EPHB1: variants seen among roughly 807,000 people sequenced by gnomAD.
EPHB1 encodes ephrin type-B receptor 1.
EPHB1 carries 30 observed loss-of-function variants against 94.4 expected under a neutral mutation model. The observed-to-expected ratio is 0.32, with a 90% CI of 0.24 to 0.43. The LOEUF (loss-of-function observed/expected upper bound fraction) is 0.43, where lower values mean the gene tolerates loss of function less well. Ranked by LOEUF, EPHB1 falls within the 20% of genes least tolerant of loss-of-function variation. EPHB1 has a pLI of 1.00. For synonymous variants in EPHB1, 522 were observed against 489.1 expected (o/e 1.07, Z -0.89); for missense variants, 1,055 against 1,308.3 (o/e 0.81, Z 2.99).
chr3:134,917,284 G>A (rs1484870279), intron 1 of EPHB1, among the ~76,000 whole-genome samples: 1 of 152,234 alleles, frequency 6.6e-6, no homozygotes, highest in African/African-American at 2.4e-5. Flanking sequence ...GCTGGGCTGG[G>A]CAGGTAGGGT....
chr3:135,104,716 T>G (rs1326205176), intron 3 of EPHB1, among the ~76,000 whole-genome samples: 2 of 152,230 alleles, frequency 1.3e-5, no homozygotes, highest in Non-Finnish European at 2.9e-5. Context: ...TCATAGGTGT[T>G]AACAATCCAA....
intron 3 of EPHB1, among the ~76,000 whole-genome samples, chr3:135,073,915 A>G (rs770685927): frequency 2.5e-4 from 38 of 152,212 alleles, no homozygotes; most frequent in Non-Finnish European, 2.5e-4. Context: ...AATGGGAAGT[A>G]AAAAAGTTTG....
chr3:134,872,182 A>C (rs920646016), intron 1 of EPHB1, among the ~76,000 whole-genome samples: 9 of 152,314 alleles, frequency 5.9e-5, no homozygotes, highest in Admixed American at 5.2e-4. Context: ...ACAAATTGAC[A>C]AGGGATGCCT....
intron 1 of EPHB1, among the ~76,000 whole-genome samples, chr3:134,805,155 G>A (rs7648884): frequency 0.03 from 4,502 of 152,236 alleles, 159 homozygotes; most frequent in African/African-American, 0.072. Context: ...GTGGTTTCAC[G>A]TGAATTCTTG....
intron 6 of EPHB1, 144 bp from the exon 7 acceptor site, chr3:135,161,874 A>C: frequency 1.2e-6 from 1 of 837,216 alleles, no homozygotes. Flanking sequence ...GTCCCCATCC[A>C]GAGGGATGGC....
intron 12 of EPHB1, among the ~76,000 whole-genome samples, chr3:135,227,097 T>G (rs1176050227): frequency 6.6e-6 from 1 of 152,186 alleles, no homozygotes; most frequent in Non-Finnish European, 1.5e-5. Flanking sequence ...AATATACCCA[T>G]GTAATAATCT....
At chr3:135,074,746 G>A (rs1025845213) in intron 3 of EPHB1, among the ~76,000 whole-genome samples, 1 of 152,154 alleles carries the variant, frequency 6.6e-6, no homozygotes, top group Non-Finnish European at 1.5e-5. Context: ...ACATGTAGGG[G>A]TGGCACTATG....
rs397933477 is a variant in EPHB1, at chr3:135,243,074, CAAAAAAA to C, written c.2496+1791_2496+1797del. On this transcript the variant is annotated intron_variant, in intron 13 of 15. Transcript: ENST00000398015. ...TGGGTGACAGAGCGGGACCCTGTCT[CAAAAAAA>C]AAAAAAAAAAAAAGAAAAGAAAAGA... 1.3e-3 allele frequency among the ~76,000 whole-genome samples: 132 copies of C among 98,372 alleles called. 1 individual carries two copies. The highest frequency in any genetic ancestry group is 1.6e-3 in the African/African-American group (39 of 24,174). The allele number at this position is 98,372 out of a possible 152,430, so 64.5% of individuals were successfully genotyped here.
chr3:135,048,417 G>A (rs1329791280), intron 3 of EPHB1, among the ~76,000 whole-genome samples: 1 of 151,806 alleles, frequency 6.6e-6, no homozygotes, highest in Admixed American at 6.6e-5. Flanking sequence ...CTATGGGTGT[G>A]TGCCACCATG....
At chr3:135,001,380 T>C (rs1487115201) in intron 3 of EPHB1, among the ~76,000 whole-genome samples, 1 of 152,162 alleles carries the variant, frequency 6.6e-6, no homozygotes, top group Non-Finnish European at 1.5e-5. Flanking sequence ...CAGGGATAAA[T>C]GTCGGCTGGT....
At chr3:134,983,875 T>C (rs964521842) in intron 3 of EPHB1, among the ~76,000 whole-genome samples, 1 of 152,148 alleles carries the variant, frequency 6.6e-6, no homozygotes, top group African/African-American at 2.4e-5. Context: ...CTCTCAGCAG[T>C]ATTGCCACCA....
At chr3:134,911,260 T>A (rs1316996181) in intron 1 of EPHB1, among the ~76,000 whole-genome samples, 7 of 152,108 alleles carry the variant, frequency 4.6e-5, no homozygotes, top group Non-Finnish European at 7.3e-5. Flanking sequence ...CTGGCACTAT[T>A]CTCTCAGAGC....
intron 1 of EPHB1, among the ~76,000 whole-genome samples, chr3:134,799,103 C>G (rs568175359): frequency 1.3e-5 from 2 of 152,192 alleles, no homozygotes; most frequent in Admixed American, 1.3e-4. Context: ...CATGAGTGCA[C>G]GACTAAATTA....
chr3:134,849,545 G>A (rs891033617), intron 1 of EPHB1, among the ~76,000 whole-genome samples: 3 of 152,184 alleles, frequency 2.0e-5, no homozygotes, highest in Non-Finnish European at 4.4e-5. Context: ...ATTTGCAGTT[G>A]AGATGGAGGT....
At chr3:135,036,665 T>C (rs1402320325) in intron 3 of EPHB1, among the ~76,000 whole-genome samples, 1 of 152,190 alleles carries the variant, frequency 6.6e-6, no homozygotes, top group Admixed American at 6.5e-5. Context: ...AACCGTTGTA[T>C]AAGCATGGGA....
chr3:134,890,257 A>G (rs2037952774), intron 1 of EPHB1, among the ~76,000 whole-genome samples: 1 of 152,202 alleles, frequency 6.6e-6, no homozygotes, highest in African/African-American at 2.4e-5. Flanking sequence ...TTTTATATAA[A>G]TGGTATTATG....
In EPHB1 at chr3:135,127,833, A is replaced by G. The variant is rs115227808; in HGVS notation, c.962-4881A>G. ...TGTGGGTCTAGAAGGATCCTGTTTA[A>G]CTCCAGTGACAACCGTGCTCCATGC... On this transcript the variant is annotated intron_variant, in intron 4 of 15. Transcript: ENST00000398015. Among the ~76,000 whole-genome samples the G allele has an allele frequency of 6.1e-3, 933 of 152,132 alleles. 17 individuals are homozygous for G. Among genetic ancestry groups the G allele is most frequent in the African/African-American group, 0.021 (879 of 41,478 alleles).
intron 10 of EPHB1, among the ~76,000 whole-genome samples, chr3:135,180,633 A>G (rs1457417311): frequency 6.6e-6 from 1 of 152,208 alleles, no homozygotes; most frequent in Non-Finnish European, 1.5e-5. Context: ...TGTAAAACTC[A>G]CTGCCTGAGA....
intron 1 of EPHB1, among the ~76,000 whole-genome samples, chr3:134,805,216 CGTT>C (rs1313213411): frequency 6.6e-6 from 1 of 152,092 alleles, no homozygotes; most frequent in Non-Finnish European, 1.5e-5. Flanking sequence ...TCCTGGGGGC[CGTT>C]GTCACAGGAC....
Sources: gnomAD v4.1 joint callset for allele counts (sites outside exome capture counted in the v4.1 genomes callset) on GRCh38, gnomAD v4.1.1 for gene constraint, MANE v1.5 for transcripts, NCBI Gene and HGNC (gene_info 2026-07-23, HGNC 2026-07-21) for gene names.